MOSMO: variants seen among roughly 807,000 people sequenced by gnomAD.
MOSMO encodes modulator of smoothened.
In MOSMO, 5 loss-of-function variants were observed where a neutral mutation model predicts 18.4. The ratio of observed to expected loss-of-function variants is 0.27; its 90% CI spans 0.14 to 0.57. The LOEUF is 0.57. MOSMO is among the 20% of genes least tolerant of loss of function. The pLI, the probability that MOSMO is intolerant of heterozygous loss-of-function variation, is 0.92. For missense variants in MOSMO, 138 were observed against 211.8 expected (o/e 0.65, Z 2.16); for synonymous variants, 82 against 82.3 (o/e 1.00, Z 0.02).
At chr16:22,075,282 T>C in intron 1 of MOSMO, 1 of 673,428 alleles carries the variant, frequency 1.5e-6, no homozygotes, top group South Asian at 1.5e-5. Context: ...AGGTCATTTG[T>C]TATTTTTTTA....
At chr16:22,032,878 G>A (rs1166864976) in intron 1 of MOSMO, among the ~76,000 whole-genome samples, 1 of 151,954 alleles carries the variant, frequency 6.6e-6, no homozygotes, top group Non-Finnish European at 1.5e-5. Context: ...TGTGGGTAGG[G>A]GTCCAAACTC....
chr16:22,027,176 G>A (rs1352941243), intron 1 of MOSMO, among the ~76,000 whole-genome samples: 1 of 152,182 alleles, frequency 6.6e-6, no homozygotes, highest in East Asian at 1.9e-4. Context: ...CTGTGTTATA[G>A]TGCTTTCATT....
At chr16:22,012,145 A>C (rs1019775342) in intron 1 of MOSMO, among the ~76,000 whole-genome samples, 1 of 152,162 alleles carries the variant, frequency 6.6e-6, no homozygotes, top group Non-Finnish European at 1.5e-5. Context: ...TTTTCATTGC[A>C]GTTTTTATAC....
chr16:22,076,348 C>T (rs917280878), intron 2 of MOSMO: 5 of 152,238 alleles, frequency 3.3e-5, no homozygotes, highest in East Asian at 1.9e-4. Context: ...ATTCTGCTTT[C>T]GTGCTTCTTT....
At chr16:22,043,690 G>C (rs947483876) in intron 1 of MOSMO, among the ~76,000 whole-genome samples, 1 of 152,054 alleles carries the variant, frequency 6.6e-6, no homozygotes, top group Non-Finnish European at 1.5e-5. Context: ...AAGCTGAGTT[G>C]TTTGTTACTT....
chr16:22,030,587 A>G (rs1899973725), intron 1 of MOSMO, among the ~76,000 whole-genome samples: 1 of 152,106 alleles, frequency 6.6e-6, no homozygotes, highest in Non-Finnish European at 1.5e-5. Context: ...CCCAGGCTGG[A>G]TTGAAGTGGC....
intron 1 of MOSMO, among the ~76,000 whole-genome samples, chr16:22,056,091 AGGGTAGAACCTTG>A (rs1567510097): frequency 6.6e-6 from 1 of 152,156 alleles, no homozygotes; most frequent in Admixed American, 6.5e-5. Flanking sequence ...GGGGCGAGGC[AGGGTAGAACCTTG>A]GGGTATATTC....
At chr16:22,015,956 T>C (rs764231900) in intron 1 of MOSMO, among the ~76,000 whole-genome samples, 15 of 152,170 alleles carry the variant, frequency 9.9e-5, no homozygotes, top group African/African-American at 3.6e-4. Context: ...ATTTGTTAGA[T>C]TGGCCATACT....
rs1219695694 is a variant in MOSMO, at chr16:22,008,375, A to G, written c.74A>G (p.Asn25Ser). ...ATCTTCGCCATCGCCAGCATCGCCA[A>G]CCCGGACTGGATCAACACCGGGGAG... ...ADIFAIASIA[N>S]PDWINTGESA... is the part of the protein sequence containing the mutation. The change falls in exon 1 of 3, where the codon AAC (asparagine) becomes AGC (serine). Residue 25 changes from asparagine (N) to serine (S), a missense_variant. Transcript: ENST00000542527. 3 of 1,533,496 alleles carry G rather than the reference A, an allele frequency of 2.0e-6. No individual in the cohort carries two copies. The highest frequency in any genetic ancestry group is 2.6e-6 in the Non-Finnish European group (3 of 1,145,900). 95.0% of individuals were successfully genotyped at this position (1,533,496 alleles called of 1,614,324 possible).
At chr16:22,068,804 T>C (rs909084204) in intron 1 of MOSMO, among the ~76,000 whole-genome samples, 11 of 152,252 alleles carry the variant, frequency 7.2e-5, no homozygotes, top group African/African-American at 2.2e-4. Context: ...TTGGCTATTA[T>C]GAATAATACT....
At chr16:22,074,349 C>T (rs774724081) in intron 1 of MOSMO, among the ~76,000 whole-genome samples, 2 of 152,236 alleles carry the variant, frequency 1.3e-5, no homozygotes, top group African/African-American at 4.8e-5. Context: ...GCGGGAGGAT[C>T]GCTTGAGACC....
At chr16:22,051,114 G>A (rs1373888063) in intron 1 of MOSMO, among the ~76,000 whole-genome samples, 1 of 152,060 alleles carries the variant, frequency 6.6e-6, no homozygotes, top group African/African-American at 2.4e-5. Context: ...ATGGCTGGGC[G>A]CGATGGCTCA....
At chr16:22,041,112 A>G (rs1379984084) in intron 1 of MOSMO, among the ~76,000 whole-genome samples, 1 of 152,234 alleles carries the variant, frequency 6.6e-6, no homozygotes, top group African/African-American at 2.4e-5. Context: ...TTTAGAGGAC[A>G]TGATCTGGGA....
At chr16:22,076,891 T>G (rs1900980367) in intron 2 of MOSMO, among the ~76,000 whole-genome samples, 1 of 152,214 alleles carries the variant, frequency 6.6e-6, no homozygotes, top group Admixed American at 6.5e-5. Flanking sequence ...TCAAGTTGCC[T>G]TTTATATAAA....
intron 1 of MOSMO, among the ~76,000 whole-genome samples, chr16:22,054,347 T>C (rs925710888): frequency 5.9e-5 from 9 of 152,168 alleles, no homozygotes; most frequent in Non-Finnish European, 1.3e-4. Flanking sequence ...CCTCCTTCCT[T>C]GGCCTCCCAA....
At chr16:22,049,247 C>G (rs1900376875) in intron 1 of MOSMO, among the ~76,000 whole-genome samples, 1 of 152,182 alleles carries the variant, frequency 6.6e-6, no homozygotes, top group Non-Finnish European at 1.5e-5. Context: ...GTAGCCCAGG[C>G]TGAAGTGCTG....
At chr16:22,055,290 G>GTTAGTCAACACACACC (rs951439921) in intron 1 of MOSMO, among the ~76,000 whole-genome samples, 3 of 152,080 alleles carry the variant, frequency 2.0e-5, no homozygotes, top group Non-Finnish European at 4.4e-5. Flanking sequence ...TTCTGTGTGT[G>GTTAGTCAACACACACC]TTAGTCAACA....
At chr16:22,057,109 G>A (rs1900552812) in intron 1 of MOSMO, among the ~76,000 whole-genome samples, 2 of 151,510 alleles carry the variant, frequency 1.3e-5, no homozygotes, top group African/African-American at 2.4e-5. Flanking sequence ...TAGTATTTTA[G>A]AGAGAGAGAG....
At chr16:22,043,069 A>T (rs1235999793) in intron 1 of MOSMO, among the ~76,000 whole-genome samples, 1 of 152,208 alleles carries the variant, frequency 6.6e-6, no homozygotes, top group Non-Finnish European at 1.5e-5. Context: ...ACTATTGACT[A>T]ATTAACAGTT....
Sources: allele counts gnomAD v4.1 joint callset (sites outside exome capture counted in the v4.1 genomes callset), GRCh38; gene constraint gnomAD v4.1.1; transcripts MANE v1.5; gene names NCBI Gene and HGNC (gene_info 2026-07-23, HGNC 2026-07-21).